Variants in HEPHL1 observed in about 807,000 individuals in gnomAD.
HEPHL1 encodes the protein ferroxidase HEPHL1.
HEPHL1 carries 123 observed loss-of-function variants against 122.0 expected under a neutral mutation model. The ratio of observed to expected loss-of-function variants is 1.01; its 90% CI spans 0.87 to 1.17. The LOEUF (loss-of-function observed/expected upper bound fraction) is 1.17, where lower values mean the gene tolerates loss of function less well. Among genes scored for constraint, HEPHL1 ranks in the 50% most tolerant of loss-of-function variants. HEPHL1 has a pLI of 0.00. For synonymous variants in HEPHL1, 527 were observed against 508.9 expected (o/e 1.04, Z -0.48); for missense variants, 1,452 against 1,430.5 (o/e 1.01, Z -0.24).
chr11:94,107,877 T>C (rs1438037150), intron 17 of HEPHL1, among the ~76,000 whole-genome samples: 4 of 152,166 alleles, frequency 2.6e-5, no homozygotes, highest in Non-Finnish European at 5.9e-5. Flanking sequence ...TGTGAACATA[T>C]GTTTTCATTT....
intron 2 of HEPHL1, among the ~76,000 whole-genome samples, chr11:94,049,202 G>T (rs1316981327): frequency 6.6e-6 from 1 of 151,880 alleles, no homozygotes; most frequent in Non-Finnish European, 1.5e-5. Context: ...ATGGCCAACA[G>T]GTATATTAAA....
At position 94,067,647 on chromosome 11, in the gene HEPHL1, T is replaced by C; in HGVS notation, c.960T>C (p.Thr320=). The change falls in exon 5 of 20, where the codon ACT becomes ACC. Residue 320 remains threonine (T), a synonymous_variant. Coordinates refer to ENST00000315765, the MANE Select transcript of HEPHL1 (RefSeq NM_001098672.2). ...GNTFISRGHR[T]DVVNLFPATF... The stretch of plus-strand genomic sequence containing the variant: ...CCTTCATCAGCAGAGGGCATCGGAC[T>C]GATGTCGTCAACCTGTTCCCAGCCA... 1.9e-6 allele frequency: 3 copies of C among 1,613,816 alleles called. No homozygotes were observed. The highest frequency in any genetic ancestry group is 2.5e-6 in the Non-Finnish European group (3 of 1,179,760).
intron 17 of HEPHL1, among the ~76,000 whole-genome samples, chr11:94,106,745 C>A (rs776872387): frequency 6.6e-6 from 1 of 152,232 alleles, no homozygotes; most frequent in Non-Finnish European, 1.5e-5. Flanking sequence ...CGGACACTGA[C>A]AGCATTCGTC....
At position 94,101,327 on chromosome 11, in the gene HEPHL1, C is replaced by G. The variant is rs375999989; in HGVS notation, c.2567C>G (p.Thr856Arg). 37 of 1,612,094 alleles carry G rather than the reference C, an allele frequency of 2.3e-5. No individual in the cohort carries two copies. The highest frequency in any genetic ancestry group is 3.1e-5 in the Non-Finnish European group (36 of 1,178,882). The change falls in exon 14 of 20, where the codon ACA becomes AGA. Residue 856 changes from threonine to arginine, a missense_variant. Physicochemically the swap from Thr to Arg is moderately conservative, Grantham distance 71. Coordinates refer to ENST00000315765, the MANE Select transcript of HEPHL1 (RefSeq NM_001098672.2). ...DSGKQFQVPM[T>R]KPGEVKTYRW... is the part of the protein sequence containing the mutation. ...GGAAAGCAATTCCAAGTGCCCATGACAAAACCAGGTAAGTTGTGTCAGAGG... is the reference window on the plus strand; with the variant it reads ...GGAAAGCAATTCCAAGTGCCCATGAGAAAACCAGGTAAGTTGTGTCAGAGG...
chr11:94,036,523 G>A (rs1945725534), intron 1 of HEPHL1, among the ~76,000 whole-genome samples: 2 of 152,162 alleles, frequency 1.3e-5, no homozygotes, highest in South Asian at 4.1e-4. Flanking sequence ...CCATAGAACA[G>A]AGCTTCTAGA....
At chr11:94,056,615 C>T (rs1183749089) in intron 2 of HEPHL1, among the ~76,000 whole-genome samples, 1 of 144,300 alleles carries the variant, frequency 6.9e-6, no homozygotes, top group African/African-American at 2.6e-5. Context: ...AGCTTTGCTC[C>T]ATAAAGCTCC....
In HEPHL1 at chr11:94,093,357, G is replaced by C. The variant is rs542066286; in HGVS notation, c.2295-144G>C. The C allele has an allele frequency of 1.6e-3, 1,377 of 856,860 alleles. 3 individuals carry two copies. Among genetic ancestry groups the C allele is most frequent in the Non-Finnish European group, 2.3e-3 (1,226 of 533,136 alleles). 53.1% of individuals were successfully genotyped at this position (856,860 alleles called of 1,614,324 possible). On this transcript the variant is annotated intron_variant, in intron 12 of 19. Transcript: ENST00000315765. ...CCTGGCCTCACTCCCAGAAAGTATG[G>C]TGCAAAAGGCCTGCTCCCCAGGGAG...
At chr11:94,075,992 A>G (rs1244968125) in intron 9 of HEPHL1, among the ~76,000 whole-genome samples, 2 of 152,212 alleles carry the variant, frequency 1.3e-5, no homozygotes, top group Non-Finnish European at 2.9e-5. Flanking sequence ...TATTAAACAT[A>G]TTAATGAAAA....
chr11:94,075,371 G>C lies in HEPHL1; in HGVS notation c.1702G>C (p.Ala568Pro), dbSNP rs1008700072. Residue 568 changes from alanine (A) to proline (P), a missense_variant, in exon 9 of 20, where the codon GCT becomes CCT. By Grantham distance (27) the Ala-to-Pro change is conservative (BLOSUM62 -1). Coordinates refer to ENST00000315765, the MANE Select transcript of HEPHL1 (RefSeq NM_001098672.2). The stretch of plus-strand genomic sequence containing the variant: ...AGTCTGTAAAAAGGGCGTCCTCAAT[G>C]CTGATGGGACACAGGTAGGCCATTG... Reference protein sequence around the residue: ...LLVCKKGVLNADGTQKGIDKE... With the variant: ...LLVCKKGVLNPDGTQKGIDKE... 1 of 1,612,286 alleles carries C rather than the reference G, an allele frequency of 6.2e-7. No individual in the cohort carries two copies. The highest frequency in any genetic ancestry group is 1.3e-5 in the African/African-American group (1 of 74,854).
intron 1 of HEPHL1, among the ~76,000 whole-genome samples, chr11:94,033,519 G>C (rs1945694010): frequency 6.6e-6 from 1 of 152,158 alleles, no homozygotes; most frequent in Admixed American, 6.5e-5. Context: ...CGGACATCTA[G>C]TGTGGATCAT....
intron 14 of HEPHL1, among the ~76,000 whole-genome samples, chr11:94,101,752 G>C (rs974040942): frequency 1.3e-5 from 2 of 152,094 alleles, no homozygotes; most frequent in East Asian, 3.9e-4. Flanking sequence ...TCCGTGCTCT[G>C]GTGTTTATTT....
intron 1 of HEPHL1, among the ~76,000 whole-genome samples, chr11:94,032,122 G>T (rs1356989914): frequency 1.3e-5 from 2 of 152,196 alleles, no homozygotes; most frequent in Non-Finnish European, 2.9e-5. Context: ...CCCCACAGAA[G>T]TTCCACAGGT....
intron 2 of HEPHL1, among the ~76,000 whole-genome samples, chr11:94,050,747 T>C (rs189553338): frequency 6.6e-6 from 1 of 152,318 alleles, no homozygotes; most frequent in Non-Finnish European, 1.5e-5. Flanking sequence ...TGCTAGCAAA[T>C]AATAGGTCTT....
chr11:94,073,057 A>G lies in HEPHL1; in HGVS notation c.1265A>G (p.Asn422Ser). 1 of 1,612,922 alleles carries G rather than the reference A, an allele frequency of 6.2e-7. No homozygotes were observed. Among genetic ancestry groups the G allele is most frequent in the Non-Finnish European group, 8.5e-7 (1 of 1,179,222 alleles). The change falls in exon 7 of 20, where the codon AAC becomes AGC. Residue 422 changes from asparagine to serine, a missense_variant. Transcript: ENST00000315765. ...GATCTCTACTTCACACAAGGGGACA[A>G]CAGAATAGGAGGAAAATACTGGAAG... ...DSDLYFTQGD[N>S]RIGGKYWKVR...
chr11:94,054,441 C>T (rs544008472), intron 2 of HEPHL1, among the ~76,000 whole-genome samples: 26 of 152,322 alleles, frequency 1.7e-4, no homozygotes, highest in Non-Finnish European at 3.7e-4. Context: ...ATTCTTCAAT[C>T]TACACTCAGT....
chr11:94,108,620 C>T (rs1193778567), intron 17 of HEPHL1, among the ~76,000 whole-genome samples: 1 of 151,632 alleles, frequency 6.6e-6, no homozygotes, highest in African/African-American at 2.4e-5. Flanking sequence ...ATATATATGT[C>T]CAAATGTTCC....
chr11:94,076,449 G>C (rs778222223), intron 9 of HEPHL1, among the ~76,000 whole-genome samples: 10 of 152,098 alleles, frequency 6.6e-5, no homozygotes, highest in Non-Finnish European at 1.3e-4. Flanking sequence ...AAGCCAAGGA[G>C]ATGTAGTGCC....
chr11:94,053,914 G>T (rs1945912837), intron 2 of HEPHL1, among the ~76,000 whole-genome samples: 1 of 152,018 alleles, frequency 6.6e-6, no homozygotes, highest in Admixed American at 6.6e-5. Context: ...CTGTAAAGAG[G>T]GTATATTCTA....
intron 18 of HEPHL1, 141 bp downstream of exon 18, chr11:94,111,206 C>T: frequency 1.4e-6 from 1 of 701,822 alleles, no homozygotes; most frequent in Non-Finnish European, 2.4e-6. Context: ...AAATATGTAA[C>T]TATAATCAAG....
Sources: allele counts gnomAD v4.1 joint callset (sites outside exome capture counted in the v4.1 genomes callset), GRCh38; gene constraint gnomAD v4.1.1; transcripts MANE v1.5; gene names NCBI Gene and HGNC (gene_info 2026-07-23, HGNC 2026-07-21).